Variants in ZFHX3 observed in about 807,000 individuals in gnomAD.
ZFHX3 encodes zinc finger homeobox protein 3.
A neutral mutation model predicts 279.1 loss-of-function variants in ZFHX3; 42 were observed. The ratio of observed to expected loss-of-function variants is 0.15; its 90% CI spans 0.12 to 0.19. The LOEUF is 0.19. Ranked by LOEUF, ZFHX3 falls within the 10% of genes least tolerant of loss-of-function variation. The pLI, the probability that ZFHX3 is intolerant of heterozygous loss-of-function variation, is 1.00. For missense variants in ZFHX3, 4,981 were observed against 4,754.0 expected (o/e 1.05, Z -1.40); for synonymous variants, 2,293 against 1,957.8 (o/e 1.17, Z -4.52).
chr16:72,845,679 CACTG>C (rs2037460588), intron 4 of ZFHX3, among the ~76,000 whole-genome samples: 1 of 152,228 alleles, frequency 6.6e-6, no homozygotes, highest in South Asian at 2.1e-4. Flanking sequence ...CAGTACAAAA[CACTG>C]ACGACTTTCC....
intron 1 of ZFHX3, among the ~76,000 whole-genome samples, chr16:73,833,270 A>G (rs1597135673): frequency 6.6e-6 from 1 of 152,074 alleles, no homozygotes. Context: ...GGCTGAGGCA[A>G]GAGGATTGCT....
chr16:73,175,575 T>C (rs1426341296), intron 5 of ZFHX3, among the ~76,000 whole-genome samples: 1 of 152,236 alleles, frequency 6.6e-6, no homozygotes, highest in South Asian at 2.1e-4. Flanking sequence ...ACACAAAACA[T>C]CTAGACCAGG....
chr16:73,617,433 G>A (rs545432149), intron 2 of ZFHX3, among the ~76,000 whole-genome samples: 1 of 152,324 alleles, frequency 6.6e-6, no homozygotes, highest in South Asian at 2.1e-4. Flanking sequence ...ATAATTATTT[G>A]TATACTAAAT....
At chr16:73,455,451 C>T (rs2018355564) in intron 3 of ZFHX3, among the ~76,000 whole-genome samples, 1 of 152,108 alleles carries the variant, frequency 6.6e-6, no homozygotes. Context: ...CCCAGAGGTC[C>T]CTTTGTTGCC....
At chr16:73,341,990 G>C (rs1022007120) in intron 3 of ZFHX3, among the ~76,000 whole-genome samples, 2 of 152,208 alleles carry the variant, frequency 1.3e-5, no homozygotes, top group Non-Finnish European at 2.9e-5. Flanking sequence ...AAAATCGGCT[G>C]TGGTGATGGT....
chr16:73,241,839 C>T (rs78061846), intron 5 of ZFHX3, among the ~76,000 whole-genome samples: 2,854 of 145,300 alleles, frequency 0.02, 107 homozygotes, highest in African/African-American at 0.07. Context: ...CTTCTTACTA[C>T]GTCTTATTAA....
At chr16:73,460,484 A>G (rs2143579231) in intron 2 of ZFHX3, among the ~76,000 whole-genome samples, 1 of 152,354 alleles carries the variant, frequency 6.6e-6, no homozygotes, top group South Asian at 2.1e-4. Flanking sequence ...TTTGTGGTAT[A>G]AATATCCAGG....
intron 8 of ZFHX3, among the ~76,000 whole-genome samples, chr16:73,075,852 G>A (rs950864159): frequency 3.5e-4 from 53 of 151,946 alleles, no homozygotes; most frequent in Admixed American, 3.3e-3. Flanking sequence ...GGTTGGTCTC[G>A]AACTCCTGAC....
intron 2 of ZFHX3, among the ~76,000 whole-genome samples, chr16:73,561,861 G>C (rs988329487): frequency 2.0e-5 from 3 of 152,178 alleles, no homozygotes; most frequent in Non-Finnish European, 2.9e-5. Flanking sequence ...TGGGCATCAG[G>C]ATGACTGGGC....
intron 3 of ZFHX3, among the ~76,000 whole-genome samples, chr16:72,920,010 G>T (rs2039543093): frequency 1.3e-5 from 2 of 151,454 alleles, no homozygotes; most frequent in South Asian, 4.2e-4. Flanking sequence ...GACCAGGCTG[G>T]TCTCAAACTC....
intron 2 of ZFHX3, among the ~76,000 whole-genome samples, chr16:73,634,462 A>C (rs2052510131): frequency 8.3e-6 from 1 of 120,528 alleles, no homozygotes; most frequent in Non-Finnish European, 1.8e-5. Flanking sequence ...ATATATATAT[A>C]AAATATATAT....
intron 4 of ZFHX3, among the ~76,000 whole-genome samples, chr16:73,299,805 T>A (rs374443705): frequency 4.3e-4 from 66 of 152,300 alleles, no homozygotes; most frequent in African/African-American, 1.4e-3. Context: ...ATGAGAAGCA[T>A]GCTATATGCT....
intron 1 of ZFHX3, among the ~76,000 whole-genome samples, chr16:73,716,645 AC>A (rs763323664): frequency 0.27 from 12,494 of 46,432 alleles, 684 homozygotes; most frequent in Non-Finnish European, 0.4. Flanking sequence ...ACACACACAC[AC>A]ACACGCATGC....
In ZFHX3 at chr16:72,795,534, C is replaced by G; in HGVS notation, c.7148G>C (p.Ser2383Thr). The G allele has an allele frequency of 3.1e-6, 5 of 1,614,096 alleles. No individual in the cohort carries two copies. The highest frequency in any genetic ancestry group is 4.2e-6 in the Non-Finnish European group (5 of 1,180,030). ...GTAAGCCTGTGAGGGCATCGGGGTA[C>G]TGCAGGATGAGCTGGTAGGCGTCAG... ...EILTPTSSSCSTPMPSQAYSA... is the reference protein window; with the variant it reads ...EILTPTSSSCTTPMPSQAYSA... Residue 2383 changes from serine to threonine, a missense_variant, in exon 9 of 10, where the codon AGT becomes ACT. Coordinates refer to ENST00000268489, the MANE Select transcript of ZFHX3 (RefSeq NM_006885.4).
intron 2 of ZFHX3, among the ~76,000 whole-genome samples, chr16:73,508,368 G>A (rs527607377): frequency 1.6e-4 from 25 of 152,162 alleles, no homozygotes; most frequent in Non-Finnish European, 3.5e-4. Flanking sequence ...AGAGGAGGAG[G>A]AAGAGGAGGA....
intron 4 of ZFHX3, among the ~76,000 whole-genome samples, chr16:72,854,484 C>T (rs1567548916): frequency 6.6e-6 from 1 of 152,112 alleles, no homozygotes; most frequent in Non-Finnish European, 1.5e-5. Context: ...CCTACAAATC[C>T]GGGCTCTCCA....
chr16:72,875,771 A>T (rs1160972408), intron 4 of ZFHX3, among the ~76,000 whole-genome samples: 2 of 152,262 alleles, frequency 1.3e-5, no homozygotes, highest in Non-Finnish European at 2.9e-5. Flanking sequence ...TCAAATTTCA[A>T]GCCTTTGTAA....
At chr16:73,619,952 C>T (rs1400663936) in intron 2 of ZFHX3, among the ~76,000 whole-genome samples, 1 of 151,986 alleles carries the variant, frequency 6.6e-6, no homozygotes, top group Non-Finnish European at 1.5e-5. Flanking sequence ...TATCTAGCAC[C>T]CTAGTAGGCT....
chr16:73,053,360 G>C (rs2144730013), intron 1 of ZFHX3, among the ~76,000 whole-genome samples: 1 of 152,266 alleles, frequency 6.6e-6, no homozygotes, highest in South Asian at 2.1e-4. Flanking sequence ...GTGGTGGGGA[G>C]GCTGCGGGGG....
Sources: allele counts gnomAD v4.1 joint callset (sites outside exome capture counted in the v4.1 genomes callset), GRCh38; gene constraint gnomAD v4.1.1; transcripts MANE v1.5; gene names NCBI Gene and HGNC (gene_info 2026-07-23, HGNC 2026-07-21).